The following TEX11 variants were observed in gnomAD, a reference collection of about 807,000 sequenced individuals.
The protein encoded by TEX11 is testis-expressed protein 11.
Under a neutral mutation model 84.4 loss-of-function variants are expected in TEX11, and 7 were observed. The ratio of observed to expected loss-of-function variants is 0.08; its 90% CI spans 0.05 to 0.16. The LOEUF (loss-of-function observed/expected upper bound fraction) is 0.16, where lower values mean the gene tolerates loss of function less well. Among genes scored for constraint, TEX11 ranks in the 10% least tolerant of loss-of-function variants. The pLI, the probability that TEX11 is intolerant of heterozygous loss-of-function variation, is 1.00. For synonymous variants in TEX11, 264 were observed against 222.8 expected, an observed-to-expected ratio of 1.18 and a Z score of -1.64; for missense variants, 551 against 660.5, an observed-to-expected ratio of 0.83 and a Z score of 1.82.
At chrX:70,892,473 G>A (rs1280050778) in intron 2 of TEX11, among the ~76,000 whole-genome samples, 4 of 112,070 alleles carry the variant, frequency 3.6e-5, no homozygotes, top group Middle Eastern at 9.2e-3. Flanking sequence ...AGTGGCTCAC[G>A]CCTGTAATCC....
At chrX:70,720,851 A>G (rs2090553652) in intron 13 of TEX11, among the ~76,000 whole-genome samples, 1 of 108,778 alleles carries the variant, frequency 9.2e-6, no homozygotes, top group African/African-American at 3.3e-5. Context: ...ATTCAACTAT[A>G]TGCAACACAT....
the TEX11 span, among the ~76,000 whole-genome samples, chrX:70,512,836 G>A: frequency 1.8e-5 from 2 of 108,462 alleles, no homozygotes; most frequent in African/African-American, 3.4e-5. Context: ...ATTTAACAAA[G>A]AGCTGTGGGA....
intron 20 of TEX11, among the ~76,000 whole-genome samples, chrX:70,616,863 G>T (rs1409994611): frequency 9.0e-6 from 1 of 111,467 alleles, no homozygotes; most frequent in Non-Finnish European, 1.9e-5. Flanking sequence ...TAGAACGATG[G>T]TTACCAGAGG....
At chrX:70,550,147 G>A (rs2088193775) in intron 28 of TEX11, among the ~76,000 whole-genome samples, 2 of 112,690 alleles carry the variant, frequency 1.8e-5, no homozygotes, top group Admixed American at 1.9e-4. Context: ...GGGGAAAGAA[G>A]AGTCTCTTCA....
intron 9 of TEX11, among the ~76,000 whole-genome samples, chrX:70,761,373 A>G (rs1335968866): frequency 8.9e-6 from 1 of 112,164 alleles, no homozygotes; most frequent in African/African-American, 3.2e-5. Context: ...ATGTCCATCA[A>G]TGATAGACTG....
chrX:70,820,805 C>T (rs185650435), intron 8 of TEX11, among the ~76,000 whole-genome samples: 1 of 111,760 alleles, frequency 8.9e-6, no homozygotes, highest in East Asian at 2.8e-4. Context: ...TCCCACCAGG[C>T]CCCACCTCCA....
At chrX:70,763,942 C>A (rs1297389919) in intron 9 of TEX11, among the ~76,000 whole-genome samples, 1 of 111,891 alleles carries the variant, frequency 8.9e-6, no homozygotes, top group Non-Finnish European at 1.9e-5. Context: ...GACAGAAAAT[C>A]AAAAAGAAGC....
intron 13 of TEX11, among the ~76,000 whole-genome samples, chrX:70,718,049 G>A (rs1428475322): frequency 8.9e-6 from 1 of 111,885 alleles, no homozygotes; most frequent in Non-Finnish European, 1.9e-5. Context: ...TGGGCTGATA[G>A]GGAAAAGTAG....
chrX:70,705,228 G>A lies in TEX11; in HGVS notation c.1004+17390C>T, dbSNP rs373288256. Among the ~76,000 whole-genome samples, 611 of 111,520 alleles carry A rather than the reference G, an allele frequency of 5.5e-3. 4 individuals are homozygous for A. Among genetic ancestry groups the A allele is most frequent in the African/African-American group, 0.019 (593 of 30,761 alleles). ...GTAGTATAGTTTGAAGTCAGGTAGC[G>A]TGATGCCTCCAGCTTTGTTCTTTTG... On this transcript the variant is annotated intron_variant, in intron 13 of 29. Transcript: ENST00000374333.
chrX:70,709,041 G>A (rs958289768), intron 13 of TEX11, among the ~76,000 whole-genome samples: 1 of 111,367 alleles, frequency 9.0e-6, no homozygotes, highest in African/African-American at 3.3e-5. Context: ...TGAAGATTCA[G>A]GAACTGAGTG....
In TEX11 at chrX:70,762,439, G is replaced by C. The variant is rs57970504; in HGVS notation, c.693-18220C>G. 4.5e-5 allele frequency among the ~76,000 whole-genome samples: 5 copies of C among 111,304 alleles called. No individual in the cohort carries two copies. In the South Asian group the frequency reaches 1.9e-3, roughly 43 times the overall value. On this transcript the variant is annotated intron_variant, in intron 9 of 29. Transcript: ENST00000374333. ...GGTCGAAGCTCCTAAAGCAGGAACC[G>C]GGCTGCACAGCAGGAGATGAGTGGC...
chrX:70,818,902 A>G (rs754029371), intron 8 of TEX11, among the ~76,000 whole-genome samples: 1 of 111,432 alleles, frequency 9.0e-6, no homozygotes, highest in Non-Finnish European at 1.9e-5. Flanking sequence ...CCAAGAAGAA[A>G]TAGAAACAAT....
chrX:70,601,361 T>C (rs1231918666), intron 24 of TEX11, among the ~76,000 whole-genome samples: 6 of 87,976 alleles, frequency 6.8e-5, no homozygotes, highest in Non-Finnish European at 1.3e-4. Flanking sequence ...GGATCTGAAA[T>C]TGTGGCAATA....
At chrX:70,530,669 G>C (rs1223519671) in intron 28 of TEX11, among the ~76,000 whole-genome samples, 1 of 112,310 alleles carries the variant, frequency 8.9e-6, no homozygotes, top group Non-Finnish European at 1.9e-5. Flanking sequence ...CCAGAAGGGA[G>C]AAATGTGATA....
At chrX:70,823,416 C>CA (rs891773143) in intron 8 of TEX11, among the ~76,000 whole-genome samples, 18 of 106,187 alleles carry the variant, frequency 1.7e-4, no homozygotes, top group Admixed American at 5.1e-4. Context: ...GTTCTCACCA[C>CA]AAAAAAAAAG....
chrX:70,563,926 T>C (rs1603069526), intron 25 of TEX11, among the ~76,000 whole-genome samples: 1 of 112,591 alleles, frequency 8.9e-6, no homozygotes, highest in Admixed American at 9.4e-5. Flanking sequence ...TTTGCATCTA[T>C]CATTTAAGAT....
the TEX11 span, among the ~76,000 whole-genome samples, chrX:70,513,701 A>T: frequency 9.3e-6 from 1 of 107,332 alleles, no homozygotes; most frequent in East Asian, 2.9e-4. Context: ...TTTTGTCTGG[A>T]TCATGGTTTA....
intron 8 of TEX11, among the ~76,000 whole-genome samples, chrX:70,821,615 A>T (rs1229401622): frequency 8.9e-6 from 1 of 112,059 alleles, no homozygotes; most frequent in Non-Finnish European, 1.9e-5. Context: ...TGAGCCAATT[A>T]AACCTCTTTT....
At chrX:70,841,114 T>C (rs1314150229) in intron 7 of TEX11, among the ~76,000 whole-genome samples, 1 of 110,961 alleles carries the variant, frequency 9.0e-6, no homozygotes, top group Non-Finnish European at 1.9e-5. Flanking sequence ...TGAACTCAGC[T>C]TTGCACCAAG....
Sources: allele counts gnomAD v4.1 joint callset (sites outside exome capture counted in the v4.1 genomes callset), GRCh38; gene constraint gnomAD v4.1.1; transcripts MANE v1.5; gene names NCBI Gene and HGNC (gene_info 2026-07-23, HGNC 2026-07-21).